The following AHI1 variants were observed in gnomAD, a reference collection of about 807,000 sequenced individuals.
The protein encoded by AHI1 is Abelson helper integration site 1.
A neutral mutation model predicts 149.3 loss-of-function variants in AHI1; 123 were observed. The ratio of observed to expected loss-of-function variants is 0.82; its 90% CI spans 0.71 to 0.96. The LOEUF is 0.96. Ranked by LOEUF, AHI1 falls within the 40% of genes least tolerant of loss-of-function variation. The pLI is 0.00. For synonymous variants in AHI1, 475 were observed against 459.8 expected (o/e 1.03, Z -0.42); for missense variants, 1,439 against 1,422.7 (o/e 1.01, Z -0.18).
chr6:135,349,615 G>A (rs1376440337), intron 24 of AHI1, among the ~76,000 whole-genome samples: 2 of 152,160 alleles, frequency 1.3e-5, no homozygotes, highest in Non-Finnish European at 2.9e-5. Flanking sequence ...ATGGTGGTGG[G>A]TGTTAACTGC....
In AHI1 at chr6:135,448,433, G is replaced by T; in HGVS notation, c.1483C>A (p.Arg495Ser). The T allele has an allele frequency of 6.4e-7, 1 of 1,557,772 alleles. No individual in the cohort carries two copies. The highest frequency in any genetic ancestry group is 8.8e-7 in the Non-Finnish European group (1 of 1,140,854). ...NGNANINSKL[R>S]LQLYYPPTKP... ...GTAGGTGGGTAATATAGCTGCAAGCGAAGTTTTGAGTTGATGTTTGCATTT... is the reference window on the plus strand; with the variant it reads ...GTAGGTGGGTAATATAGCTGCAAGCTAAGTTTTGAGTTGATGTTTGCATTT... Residue 495 changes from arginine (R) to serine (S), a missense_variant, in exon 12 of 29, where the codon CGC becomes AGC. Arg to Ser is a moderately radical substitution (Grantham distance 110). Coordinates refer to ENST00000265602, the MANE Select transcript of AHI1 (RefSeq NM_001134831.2).
At chr6:135,438,895 G>C (rs1418723847) in intron 14 of AHI1, among the ~76,000 whole-genome samples, 2 of 152,118 alleles carry the variant, frequency 1.3e-5, no homozygotes, top group Non-Finnish European at 2.9e-5. Flanking sequence ...TTAATTATTT[G>C]AAGTAAGGAG....
At chr6:135,333,989 T>C (rs1788991454) in intron 24 of AHI1, among the ~76,000 whole-genome samples, 1 of 152,238 alleles carries the variant, frequency 6.6e-6, no homozygotes, top group East Asian at 1.9e-4. Flanking sequence ...TTTTGTCTGA[T>C]TGCTGCAATA....
chr6:135,291,407 C>T (rs775206172), intron 27 of AHI1, among the ~76,000 whole-genome samples: 4 of 152,036 alleles, frequency 2.6e-5, no homozygotes, highest in Admixed American at 1.3e-4. Flanking sequence ...GAGTGGGGTT[C>T]TAATCTAATA....
At chr6:135,429,094 T>C (rs1335340215) in intron 18 of AHI1, among the ~76,000 whole-genome samples, 1 of 151,720 alleles carries the variant, frequency 6.6e-6, no homozygotes, top group Non-Finnish European at 1.5e-5. Flanking sequence ...GACTACTTTA[T>C]GGAAGTAGCA....
In AHI1 at chr6:135,490,734, T is replaced by G; in HGVS notation, c.24A>C (p.Ala8=). The G allele has an allele frequency of 5.6e-6, 9 of 1,612,904 alleles. No homozygotes were observed. The highest frequency in any genetic ancestry group is 7.6e-6 in the Non-Finnish European group (9 of 1,179,458). Reference sequence around the variant, plus strand: ...CAAAGCGAACTTTGGTTTTTACTTTTGCTTCACTCTCAGCTACAAAAGATA... The same window carrying G: ...CAAAGCGAACTTTGGTTTTTACTTTGGCTTCACTCTCAGCTACAAAAGATA... The part of the protein sequence containing the change: MPTAESE[A]KVKTKVRFEE... Residue 8 remains alanine, a synonymous_variant, in exon 5 of 29, where the codon GCA becomes GCC. Coordinates refer to ENST00000265602, the MANE Select transcript of AHI1 (RefSeq NM_001134831.2).
chr6:135,383,225 C>CTTTTTTTT (rs1237358406), intron 23 of AHI1, among the ~76,000 whole-genome samples: 3 of 58,762 alleles, frequency 5.1e-5, no homozygotes, highest in Non-Finnish European at 2.9e-5. Flanking sequence ...TTCCCCCCTC[C>CTTTTTTTT]CTTTTTTTTT....
rs1348826511 is a variant in AHI1, at chr6:135,312,533, AAACC to A, written c.3426+5982_3426+5985del. On this transcript the variant is annotated intron_variant, in intron 26 of 28. Coordinates refer to ENST00000265602, the MANE Select transcript of AHI1 (RefSeq NM_001134831.2). Reference sequence around the variant, plus strand: ...TTCAAAACAACAACAACAACAAAAAAAACCAACCAACCAACCAAGCAACCAAACA... The same window carrying A: ...TTCAAAACAACAACAACAACAAAAAAAACCAACCAACCAAGCAACCAAACA... 5.3e-5 allele frequency among the ~76,000 whole-genome samples: 8 copies of A among 152,166 alleles called. No homozygotes were observed. In the East Asian group the frequency reaches 1.5e-3, roughly 29 times the overall value.
intron 17 of AHI1, 36 bp from the exon 18 acceptor site, chr6:135,430,036 T>G: frequency 8.0e-7 from 1 of 1,253,306 alleles, no homozygotes; most frequent in South Asian, 1.4e-5. Flanking sequence ...TACTGAAAAG[T>G]TTGTCTAATG....
At chr6:135,485,566 T>C (rs887507360) in intron 5 of AHI1, among the ~76,000 whole-genome samples, 1 of 152,218 alleles carries the variant, frequency 6.6e-6, no homozygotes, top group Non-Finnish European at 1.5e-5. Context: ...TAATAAATTT[T>C]TTCTATTTGA....
At chr6:135,303,926 T>C (rs892331261) in intron 26 of AHI1, among the ~76,000 whole-genome samples, 5 of 152,246 alleles carry the variant, frequency 3.3e-5, no homozygotes, top group Non-Finnish European at 7.3e-5. Context: ...GAAAGGTTTC[T>C]TTTATTGCTA....
intron 18 of AHI1, among the ~76,000 whole-genome samples, chr6:135,429,033 T>C (rs1784290406): frequency 6.6e-6 from 1 of 151,334 alleles, no homozygotes; most frequent in African/African-American, 2.4e-5. Context: ...AACAGAAGAG[T>C]TCTTTTCAAA....
At chr6:135,492,761 A>G in intron 3 of AHI1, 1 of 985,386 alleles carries the variant, frequency 1.0e-6, no homozygotes, top group Non-Finnish European at 1.2e-6. Flanking sequence ...TTCTGCTACA[A>G]TAGAGAAGGA....
At chr6:135,424,057 C>T (rs1206228301) in intron 20 of AHI1, among the ~76,000 whole-genome samples, 1 of 151,986 alleles carries the variant, frequency 6.6e-6, no homozygotes, top group Non-Finnish European at 1.5e-5. Flanking sequence ...AAGGAAACCA[C>T]ATACTCCACA....
rs1780568220 is a variant in AHI1, at chr6:135,405,091, C to G, written c.2962-114G>C. On this transcript the variant is annotated intron_variant, in intron 21 of 28. Coordinates refer to ENST00000265602, the MANE Select transcript of AHI1 (RefSeq NM_001134831.2). ...AACCTAAATCAGCATTTGGAAGTTT[C>G]TTTATCCATTATCCTGCCGTTGTCA... 5 of 842,036 alleles carry G rather than the reference C, an allele frequency of 5.9e-6. No individual in the cohort carries two copies. The Admixed American group carries it at 6.8e-5, about 11-fold the overall frequency. 52.2% of individuals were successfully genotyped at this position (842,036 alleles called of 1,614,324 possible). A position where few individuals can be genotyped will look rare whatever the true frequency, so the allele number is the denominator to read the frequency against.
intron 23 of AHI1, among the ~76,000 whole-genome samples, chr6:135,371,856 T>C (rs1289144075): frequency 6.6e-6 from 1 of 152,220 alleles, no homozygotes; most frequent in Admixed American, 6.5e-5. Context: ...AGCAAGGATC[T>C]GTGCAGGGTA....
intron 23 of AHI1, among the ~76,000 whole-genome samples, chr6:135,359,016 C>A (rs1793433426): frequency 6.6e-6 from 1 of 152,162 alleles, no homozygotes; most frequent in Non-Finnish European, 1.5e-5. Flanking sequence ...GGACAAGAGG[C>A]AAGAACTACA....
chr6:135,488,182 T>A (rs1344568761), intron 5 of AHI1, among the ~76,000 whole-genome samples: 1 of 152,170 alleles, frequency 6.6e-6, no homozygotes, highest in Non-Finnish European at 1.5e-5. Context: ...CTCATAAATT[T>A]TGCCTGGAAT....
intron 3 of AHI1, among the ~76,000 whole-genome samples, chr6:135,494,664 T>A (rs1039076285): frequency 2.6e-5 from 4 of 152,318 alleles, no homozygotes; most frequent in Non-Finnish European, 4.4e-5. Context: ...ATAATCATAT[T>A]ATGTTTGTTA....
Sources: gnomAD v4.1 joint callset for allele counts (sites outside exome capture counted in the v4.1 genomes callset) on GRCh38, gnomAD v4.1.1 for gene constraint, MANE v1.5 for transcripts, NCBI Gene and HGNC (gene_info 2026-07-23, HGNC 2026-07-21) for gene names.